The following FRAS1 variants were observed in gnomAD, a reference collection of about 807,000 sequenced individuals.
The protein encoded by FRAS1 is extracellular matrix organizing protein FRAS1.
FRAS1 carries 290 observed loss-of-function variants against 435.2 expected under a neutral mutation model. The ratio of observed to expected loss-of-function variants is 0.67; its 90% CI spans 0.61 to 0.73. FRAS1 has a LOEUF of 0.73. Among genes scored for constraint, FRAS1 ranks in the 30% least tolerant of loss-of-function variants. FRAS1 has a pLI of 0.00. For synonymous variants in FRAS1, 1,800 were observed against 1,851.0 expected, an observed-to-expected ratio of 0.97 and a Z score of 0.71; for missense variants, 4,860 against 5,001.5, an observed-to-expected ratio of 0.97 and a Z score of 0.85.
chr4:78,114,235 T>G lies in FRAS1; in HGVS notation c.108+48219T>G, dbSNP rs575577719. On this transcript the variant is annotated intron_variant, in intron 2 of 73. Transcript: ENST00000512123. ...CATGCTGTTTTGGTTACTGTAGCCTTGTAGTATAGTTTGAAGTCAGGTAGC... is the reference window on the plus strand; with the variant it reads ...CATGCTGTTTTGGTTACTGTAGCCTGGTAGTATAGTTTGAAGTCAGGTAGC... 1.6e-4 allele frequency among the ~76,000 whole-genome samples: 24 copies of G among 152,302 alleles called. No individual in the cohort carries two copies. In the South Asian group the frequency reaches 3.7e-3, roughly 24 times the overall value.
intron 2 of FRAS1, among the ~76,000 whole-genome samples, chr4:78,225,210 T>C (rs1316416489): frequency 6.6e-6 from 1 of 152,038 alleles, no homozygotes; most frequent in Non-Finnish European, 1.5e-5. Flanking sequence ...TCCTCTAGGA[T>C]TGATTTTGTT....
intron 2 of FRAS1, among the ~76,000 whole-genome samples, chr4:78,178,621 A>G (rs572900750): frequency 9.2e-5 from 14 of 152,300 alleles, no homozygotes; most frequent in African/African-American, 3.1e-4. Context: ...GCAAAATGAC[A>G]CTCACCAAGA....
intron 20 of FRAS1, among the ~76,000 whole-genome samples, chr4:78,347,095 A>G (rs1311327932): frequency 2.0e-5 from 3 of 152,062 alleles, no homozygotes; most frequent in Non-Finnish European, 4.4e-5. Context: ...AAAACCCTTC[A>G]TCTTCATCCC....
At chr4:78,322,820 T>C (rs561601353) in intron 18 of FRAS1, among the ~76,000 whole-genome samples, 27 of 152,312 alleles carry the variant, frequency 1.8e-4, no homozygotes, top group African/African-American at 6.3e-4. Context: ...GTTTGTTGAG[T>C]GTCTCCCGGG....
chr4:78,185,887 T>C (rs1722248229), intron 2 of FRAS1, among the ~76,000 whole-genome samples: 1 of 152,226 alleles, frequency 6.6e-6, no homozygotes. Context: ...TGGCATTTTC[T>C]ATTCAAAATG....
At chr4:78,449,461 C>G (rs1718951537) in intron 44 of FRAS1, among the ~76,000 whole-genome samples, 1 of 152,148 alleles carries the variant, frequency 6.6e-6, no homozygotes, top group South Asian at 2.1e-4. Flanking sequence ...ACATGTCACT[C>G]CAAACACCAG....
chr4:78,528,113 A>G (rs1721600638), intron 70 of FRAS1, among the ~76,000 whole-genome samples: 1 of 152,116 alleles, frequency 6.6e-6, no homozygotes. Flanking sequence ...AAAGCCCTAC[A>G]TTTGCTGAAA....
chr4:78,455,094 T>C (rs1167578416), intron 47 of FRAS1, among the ~76,000 whole-genome samples: 2 of 152,156 alleles, frequency 1.3e-5, no homozygotes, highest in East Asian at 3.9e-4. Context: ...GATACAAGGC[T>C]CCAGTCCTCT....
chr4:78,489,218 G>A (rs1471974080), intron 59 of FRAS1, 138 bp downstream of exon 59: 1 of 729,526 alleles, frequency 1.4e-6, no homozygotes, highest in South Asian at 2.3e-5. Flanking sequence ...GCAGGGGATA[G>A]GGGTGCCAAC....
chr4:78,315,040 C>T (rs1235735386), intron 15 of FRAS1, among the ~76,000 whole-genome samples: 7 of 152,242 alleles, frequency 4.6e-5, no homozygotes, highest in Middle Eastern at 3.4e-3. Flanking sequence ...TGACACAGAC[C>T]TTAGCATATG....
intron 14 of FRAS1, among the ~76,000 whole-genome samples, chr4:78,294,808 AT>A (rs752046152): frequency 1.3e-5 from 2 of 152,210 alleles, no homozygotes; most frequent in East Asian, 3.8e-4. Context: ...CATTAGGAAA[AT>A]TACCAAAATT....
At chr4:78,460,432 A>G (rs1056558219) in intron 47 of FRAS1, among the ~76,000 whole-genome samples, 1 of 152,260 alleles carries the variant, frequency 6.6e-6, no homozygotes, top group Non-Finnish European at 1.5e-5. Context: ...TGACAGCGGT[A>G]GGGACAATAT....
intron 2 of FRAS1, among the ~76,000 whole-genome samples, chr4:78,102,088 C>A (rs1742160670): frequency 6.6e-6 from 1 of 152,066 alleles, no homozygotes; most frequent in South Asian, 2.1e-4. Flanking sequence ...AATGTTCTAA[C>A]CAATTGTACT....
At chr4:78,407,575 TA>T (rs34880017) in intron 30 of FRAS1, 87 bp from the exon 31 acceptor site, 4,233 of 930,156 alleles carry the variant, frequency 4.6e-3, no homozygotes, top group South Asian at 7.7e-3. Flanking sequence ...TCTTTCTAGT[TA>T]AAAAAAAAAT....
chr4:78,170,741 T>C (rs780343343), intron 2 of FRAS1, among the ~76,000 whole-genome samples: 15 of 152,104 alleles, frequency 9.9e-5, no homozygotes, highest in Non-Finnish European at 1.2e-4. Context: ...ATCAGAGAGA[T>C]GAGATGGAAG....
At chr4:78,460,112 G>A (rs1290671318) in intron 47 of FRAS1, among the ~76,000 whole-genome samples, 2 of 152,176 alleles carry the variant, frequency 1.3e-5, no homozygotes, top group African/African-American at 2.4e-5. Context: ...CTTGAGATAG[G>A]ACATGGACAT....
At position 78,496,819 on chromosome 4, in the gene FRAS1, G is replaced by C. The variant is rs187612429; in HGVS notation, c.8973G>C (p.Thr2991=). Residue 2991 remains threonine (T), a synonymous_variant, in exon 60 of 74, where the codon ACG becomes ACC. Coordinates refer to ENST00000512123, the MANE Select transcript of FRAS1 (RefSeq NM_025074.7). Reference sequence around the variant, plus strand: ...ATTGGCTCTAGGTGAAGAACTGTACGGTCTATATCCACGATGACTCCATGT... The same window carrying C: ...ATTGGCTCTAGGTGAAGAACTGTACCGTCTATATCCACGATGACTCCATGT... ...FLKGDKVKNC[T]VYIHDDSMFE... is the part of the protein sequence containing the mutation. The C allele has an allele frequency of 1.2e-6, 2 of 1,613,436 alleles. No individual in the cohort carries two copies. Among genetic ancestry groups the C allele is most frequent in the East Asian group, 4.5e-5 (2 of 44,860 alleles).
Position 78,146,084 on chromosome 4 carries a change from A to G in FRAS1, c.108+80068A>G, listed in dbSNP as rs183902028. 5.8e-4 allele frequency among the ~76,000 whole-genome samples: 89 copies of G among 152,228 alleles called. 3 individuals are homozygous for G. The highest frequency in any genetic ancestry group is 2.1e-3 in the African/African-American group (86 of 41,550). On this transcript the variant is annotated intron_variant, in intron 2 of 73. Coordinates refer to ENST00000512123, the MANE Select transcript of FRAS1 (RefSeq NM_025074.7). The stretch of plus-strand genomic sequence containing the variant: ...TATGGCAGCATGAGAATGGACTACT[A>G]CAAGTACCCAGAACCCGAACATTGT...
At chr4:78,402,531 T>TA (rs1732930988) in intron 30 of FRAS1, among the ~76,000 whole-genome samples, 1 of 152,106 alleles carries the variant, frequency 6.6e-6, no homozygotes, top group Admixed American at 6.6e-5. Context: ...TAAAAAAATT[T>TA]AAAAAAACAT....
Sources: gnomAD v4.1 joint callset for allele counts (sites outside exome capture counted in the v4.1 genomes callset) on GRCh38, gnomAD v4.1.1 for gene constraint, MANE v1.5 for transcripts, NCBI Gene and HGNC (gene_info 2026-07-23, HGNC 2026-07-21) for gene names.